HSDL2: variants seen among roughly 807,000 people sequenced by gnomAD.
HSDL2 encodes hydroxysteroid dehydrogenase-like protein 2.
HSDL2 carries 27 observed loss-of-function variants against 46.3 expected under a neutral mutation model. The observed-to-expected ratio is 0.58, with a 90% CI of 0.43 to 0.80. The LOEUF is 0.80. HSDL2 is among the 30% of genes least tolerant of loss of function. The pLI is 0.00. For synonymous variants in HSDL2, 153 were observed against 163.6 expected (o/e 0.94, Z 0.50); for missense variants, 451 against 502.7 (o/e 0.90, Z 0.98).
intron 10 of HSDL2, among the ~76,000 whole-genome samples, chr9:112,464,017 T>C (rs1833298112): frequency 1.3e-5 from 2 of 152,172 alleles, no homozygotes; most frequent in African/African-American, 4.8e-5. Context: ...TATTTTCATG[T>C]GTTTGATAGC....
Position 112,454,162 on chromosome 9 carries a change from G to A in HSDL2, c.1015G>A (p.Gly339Ser), listed in dbSNP as rs374990227. The A allele has an allele frequency of 9.0e-5, 144 of 1,606,618 alleles. No individual in the cohort carries two copies. The highest frequency in any genetic ancestry group is 1.2e-4 in the Non-Finnish European group (137 of 1,178,008). The change falls in exon 9 of 11, where the codon GGT (glycine) becomes AGT (serine). Residue 339 changes from glycine to serine, a missense_variant and splice_region_variant. Physicochemically the swap from Gly to Ser is moderately conservative, Grantham distance 56. Transcript: ENST00000398805. The stretch of plus-strand genomic sequence containing the variant: ...AGCAATCTATCTGTTTGAACTCTCC[G>A]GTAAGGACTGCATCTGGTAATCTGA... ...TQAIYLFELS[G>S]EDGGTWFLDL...
intron 8 of HSDL2, among the ~76,000 whole-genome samples, chr9:112,444,295 A>G (rs10981407): frequency 0.26 from 38,995 of 152,118 alleles, 5,126 homozygotes; most frequent in Middle Eastern, 0.37. Context: ...TCACCTTTCT[A>G]TTGCACCAAC....
intron 10 of HSDL2, among the ~76,000 whole-genome samples, chr9:112,463,670 T>G (rs1479031577): frequency 8.0e-6 from 1 of 124,762 alleles, no homozygotes; most frequent in South Asian, 3.0e-4. Flanking sequence ...ATTTGTGTAT[T>G]TATTTATTTT....
At chr9:112,411,637 T>C (rs935506209) in intron 4 of HSDL2, among the ~76,000 whole-genome samples, 2 of 152,190 alleles carry the variant, frequency 1.3e-5, no homozygotes, top group African/African-American at 4.8e-5. Flanking sequence ...ATCACACCAC[T>C]GCACTCCAGC....
intron 1 of HSDL2, among the ~76,000 whole-genome samples, chr9:112,399,256 C>T (rs1019018934): frequency 6.6e-6 from 1 of 152,044 alleles, no homozygotes. Context: ...GAGTCTCAGA[C>T]CAGCAAGGTT....
chr9:112,436,924 A>AT (rs1485484691), intron 6 of HSDL2, among the ~76,000 whole-genome samples: 2 of 143,342 alleles, frequency 1.4e-5, no homozygotes, highest in African/African-American at 5.2e-5. Flanking sequence ...TAATTAAGCA[A>AT]TTTTTTCCTT....
At chr9:112,405,368 A>T (rs1312884564) in intron 2 of HSDL2, among the ~76,000 whole-genome samples, 1 of 152,142 alleles carries the variant, frequency 6.6e-6, no homozygotes, top group Non-Finnish European at 1.5e-5. Flanking sequence ...AAAAACAAAC[A>T]AACAAAAAAC....
chr9:112,448,000 C>A (rs1435209183), intron 8 of HSDL2, among the ~76,000 whole-genome samples: 1 of 152,094 alleles, frequency 6.6e-6, no homozygotes, highest in Non-Finnish European at 1.5e-5. Context: ...TAAGACAGAT[C>A]TGGGTTCAAA....
chr9:112,438,311 G>T (rs577290952), intron 6 of HSDL2, 120 bp from the exon 7 acceptor site: 13 of 708,808 alleles, frequency 1.8e-5, no homozygotes, highest in African/African-American at 1.5e-4. Flanking sequence ...GTTTTCATCA[G>T]CTAAGAAATG....
intron 8 of HSDL2, among the ~76,000 whole-genome samples, chr9:112,446,331 AC>A (rs546536226): frequency 1.0e-3 from 158 of 152,168 alleles, no homozygotes; most frequent in Non-Finnish European, 1.5e-3. Flanking sequence ...TCTGTTTAAA[AC>A]TACTCTCCAG....
chr9:112,391,886 C>CA (rs769571189), intron 1 of HSDL2, among the ~76,000 whole-genome samples: 3,347 of 54,980 alleles, frequency 0.061, 100 homozygotes, highest in East Asian at 0.16. Flanking sequence ...AACTCTGTCT[C>CA]AAAAAAAAAA....
intron 3 of HSDL2, among the ~76,000 whole-genome samples, chr9:112,407,841 T>C (rs1009542306): frequency 3.3e-5 from 5 of 152,224 alleles, no homozygotes; most frequent in African/African-American, 9.6e-5. Context: ...CAACCATCAT[T>C]AAGTACACTT....
chr9:112,386,201 C>G (rs1156308122), intron 1 of HSDL2, among the ~76,000 whole-genome samples: 1 of 152,076 alleles, frequency 6.6e-6, no homozygotes, highest in Non-Finnish European at 1.5e-5. Flanking sequence ...TTATTGTACT[C>G]TTTCTAAACA....
chr9:112,400,105 C>T (rs930167977), intron 1 of HSDL2, among the ~76,000 whole-genome samples: 6 of 152,148 alleles, frequency 3.9e-5, no homozygotes, highest in Admixed American at 1.3e-4. Context: ...CTTCCCGCAA[C>T]AAGAAGGAAC....
chr9:112,381,312 C>T (rs1664992026), intron 1 of HSDL2, among the ~76,000 whole-genome samples: 1 of 152,160 alleles, frequency 6.6e-6, no homozygotes, highest in African/African-American at 2.4e-5. Context: ...TACAGGCATG[C>T]ACCGCTGTGC....
chr9:112,394,003 A>G (rs1272453413), intron 1 of HSDL2, among the ~76,000 whole-genome samples: 2 of 152,194 alleles, frequency 1.3e-5, no homozygotes, highest in East Asian at 3.8e-4. Context: ...TCTCCACCAT[A>G]AAGAAGCAAT....
In HSDL2 at chr9:112,438,576, C is replaced by T. The variant is rs1832578565; in HGVS notation, c.744C>T (p.Ile248=). ...FTGNFVIDEN[I]LKEEGIENFD... ...GCAACTTTGTCATTGATGAAAATAT[C>T]TTAAAAGAAGAAGGAATAGAAAATT... The change falls in exon 7 of 11, where the codon ATC becomes ATT. Residue 248 remains isoleucine, a synonymous_variant. Transcript: ENST00000398805. 1.2e-6 allele frequency: 2 copies of T among 1,609,010 alleles called. No homozygotes were observed. Among genetic ancestry groups the T allele is most frequent in the Non-Finnish European group, 1.7e-6 (2 of 1,177,516 alleles).
At chr9:112,441,794 G>T (rs771397858) in intron 8 of HSDL2, 24 bp downstream of exon 8, 5 of 1,388,824 alleles carry the variant, frequency 3.6e-6, no homozygotes, top group South Asian at 1.2e-5. Context: ...TATATTTTAT[G>T]TTAGAAAATA....
rs76291445 is a variant in HSDL2 at position 112,419,419 on chromosome 9, A to G, written c.598+461A>G. ...CAAGTTCAACTTTTTATTGTACAAC[A>G]TAAGATCCTTTTCAATCATCTTCCT... On this transcript the variant is annotated intron_variant, in intron 6 of 10. Coordinates refer to ENST00000398805, the MANE Select transcript of HSDL2 (RefSeq NM_032303.5). Among the ~76,000 whole-genome samples the G allele has an allele frequency of 3.7e-3, 568 of 152,306 alleles. 25 individuals are homozygous for G. In the East Asian group the frequency reaches 0.096, roughly 26 times the overall value.
Sources: gnomAD v4.1 joint callset for allele counts (sites outside exome capture counted in the v4.1 genomes callset) on GRCh38, gnomAD v4.1.1 for gene constraint, MANE v1.5 for transcripts, NCBI Gene and HGNC (gene_info 2026-07-23, HGNC 2026-07-21) for gene names.